Variants in GTPBP8 observed in about 807,000 individuals in gnomAD.
GTPBP8 encodes the protein GTP binding protein 8.
GTPBP8 carries 21 observed loss-of-function variants against 27.3 expected under a neutral mutation model. The ratio of observed to expected loss-of-function variants is 0.77; its 90% CI spans 0.55 to 1.11. The LOEUF (loss-of-function observed/expected upper bound fraction) is 1.11, where lower values mean the gene tolerates loss of function less well. Ranked by LOEUF, GTPBP8 falls within the 50% of genes least tolerant of loss-of-function variation. GTPBP8 has a pLI of 0.00. For synonymous variants in GTPBP8, 147 were observed against 135.3 expected, an observed-to-expected ratio of 1.09 and a Z score of -0.60; for missense variants, 380 against 350.8, an observed-to-expected ratio of 1.08 and a Z score of -0.67.
intron 3 of GTPBP8, among the ~76,000 whole-genome samples, chr3:112,996,647 A>T (rs1171395433): frequency 6.6e-6 from 1 of 152,198 alleles, no homozygotes; most frequent in Non-Finnish European, 1.5e-5. Context: ...TCTTATATCC[A>T]ATATATCCTT....
rs923454933 is a variant in GTPBP8, at chr3:113,001,538, T to C, written c.*619T>C. 6.6e-6 allele frequency: 1 copy of C among 152,234 alleles called. No individual in the cohort carries two copies. The highest frequency in any genetic ancestry group is 2.4e-5 in the African/African-American group (1 of 41,466). 9.4% of individuals were successfully genotyped at this position (152,234 alleles called of 1,614,324 possible). On this transcript the variant is annotated 3_prime_UTR_variant, in exon 6 of 6. Coordinates refer to ENST00000383678, the MANE Select transcript of GTPBP8 (RefSeq NM_014170.4). ...GATTTCTCGGAAATTCATTTGTTAC[T>C]GTAAACGTGAAAGCTATTAAGATTC...
At chr3:112,994,795 A>G (rs1395954222) in intron 2 of GTPBP8, among the ~76,000 whole-genome samples, 1 of 152,236 alleles carries the variant, frequency 6.6e-6, no homozygotes, top group African/African-American at 2.4e-5. Context: ...ATATTGACTG[A>G]TGCAGTCACA....
Position 112,991,076 on chromosome 3 carries a change from A to G in GTPBP8, c.77A>G (p.Tyr26Cys), listed in dbSNP as rs988757577. 4 of 1,613,944 alleles carry G rather than the reference A, an allele frequency of 2.5e-6. No individual in the cohort carries two copies. Among genetic ancestry groups the G allele is most frequent in the Non-Finnish European group, 2.5e-6 (3 of 1,180,018 alleles). ...GCGGTGCTAGAGCGACTGAGCCGCT[A>G]TAATAGCACGTCCCAAGCTTTTGCT... ...MPAVLERLSR[Y>C]NSTSQAFAEV... is the part of the protein sequence containing the mutation. Residue 26 changes from tyrosine (Y) to cysteine (C), a missense_variant, in exon 1 of 6, where the codon TAT becomes TGT. Coordinates refer to ENST00000383678, the MANE Select transcript of GTPBP8 (RefSeq NM_014170.4).
Position 113,000,623 on chromosome 3 carries a change from T to G in GTPBP8, c.786-227T>G, listed in dbSNP as rs57733917. Among the ~76,000 whole-genome samples the G allele has an allele frequency of 3.1e-3, 469 of 152,120 alleles. 1 individual carries two copies. Among genetic ancestry groups the G allele is most frequent in the African/African-American group, 0.011 (459 of 41,474 alleles). On this transcript the variant is annotated intron_variant, in intron 5 of 5. Coordinates refer to ENST00000383678, the MANE Select transcript of GTPBP8 (RefSeq NM_014170.4). ...GGAAAACAAAGCAAAATAGAAGATA[T>G]AGTGAAATTTTTGGAATCATGAAGG... is the stretch of plus-strand genomic sequence containing the variant.
rs376070432 is a variant in GTPBP8, at chr3:113,001,093, G to T, written c.*174G>T. The T allele has an allele frequency of 1.3e-5, 7 of 541,094 alleles. No homozygotes were observed. Among genetic ancestry groups the T allele is most frequent in the African/African-American group, 1.2e-4 (6 of 51,956 alleles). 33.5% of individuals were successfully genotyped at this position (541,094 alleles called of 1,614,324 possible). On this transcript the variant is annotated 3_prime_UTR_variant, in exon 6 of 6. Coordinates refer to ENST00000383678, the MANE Select transcript of GTPBP8 (RefSeq NM_014170.4). Reference sequence around the variant, plus strand: ...CTCGAAACAAGAATTTGTGCCTGAGGTGAAAAAAGTTTGTAAGTTATTGAA... The same window carrying T: ...CTCGAAACAAGAATTTGTGCCTGAGTTGAAAAAAGTTTGTAAGTTATTGAA...
At position 112,991,180 on chromosome 3, in the gene GTPBP8, T is replaced by C. The variant is rs1231835199; in HGVS notation, c.181T>C (p.Tyr61His). The C allele has an allele frequency of 2.5e-6, 4 of 1,614,136 alleles. No individual in the cohort carries two copies. In the South Asian group the frequency reaches 3.3e-5, roughly 13 times the overall value. ...GGAAGTAGAGCGGTTCCTCGCCCCC[T>C]ACGGGAGGCAAGACCTTCACCTGCG... ...LQEVERFLAP[Y>H]GRQDLHLRIF... The change falls in exon 1 of 6, where the codon TAC becomes CAC. Residue 61 changes from tyrosine to histidine, a missense_variant. Transcript: ENST00000383678.
Position 112,996,964 on chromosome 3 carries a change from G to C in GTPBP8, c.639G>C (p.Met213Ile), listed in dbSNP as rs370737917. The change falls in exon 4 of 6, where the codon ATG becomes ATC. Residue 213 changes from methionine to isoleucine, a missense_variant. Coordinates refer to ENST00000383678, the MANE Select transcript of GTPBP8 (RefSeq NM_014170.4). ...AAACAGACAATATTGCCATAGAAAT[G>C]TGTGAAGAATTTGCATTACCTTATG... ...IQKTDNIAIE[M>I]CEEFALPYVI... 6.4e-7 allele frequency: 1 copy of C among 1,558,540 alleles called. No homozygotes were observed. The highest frequency in any genetic ancestry group is 2.2e-5 in the East Asian group (1 of 44,480).
Position 113,001,102 on chromosome 3 carries a change from G to T in GTPBP8, c.*183G>T. On this transcript the variant is annotated 3_prime_UTR_variant, in exon 6 of 6. Transcript: ENST00000383678. ...AGAATTTGTGCCTGAGGTGAAAAAA[G>T]TTTGTAAGTTATTGAATTATGGTGT... 1 of 531,544 alleles carries T rather than the reference G, an allele frequency of 1.9e-6. No individual in the cohort carries two copies. Among genetic ancestry groups the T allele is most frequent in the South Asian group, 2.4e-5 (1 of 41,100 alleles). The allele number at this position is 531,544 out of a possible 1,614,324, so 32.9% of individuals were successfully genotyped here.
chr3:112,991,048 C>A lies in GTPBP8; in HGVS notation c.49C>A (p.Pro17Thr). The A allele has an allele frequency of 6.2e-7, 1 of 1,609,582 alleles. No homozygotes were observed. The highest frequency in any genetic ancestry group is 8.5e-7 in the Non-Finnish European group (1 of 1,176,912). ...GGGAGCGGGAAGACTCTTTGAAATG[C>A]CTGCGGTGCTAGAGCGACTGAGCCG... ...RLGAGRLFEM[P>T]AVLERLSRYN... The change falls in exon 1 of 6, where the codon CCT becomes ACT. Residue 17 changes from proline to threonine, a missense_variant. Physicochemically the swap from Pro to Thr is conservative, Grantham distance 38. Transcript: ENST00000383678.
chr3:112,991,546 C>T, intron 1 of GTPBP8: 1 of 698,760 alleles, frequency 1.4e-6, no homozygotes, highest in Non-Finnish European at 2.6e-6. Context: ...CAGTCAATAC[C>T]CATAAACCCA....
At chr3:112,993,341 G>A (rs1360428782) in intron 2 of GTPBP8, among the ~76,000 whole-genome samples, 2 of 92,688 alleles carry the variant, frequency 2.2e-5, no homozygotes, top group Non-Finnish European at 6.7e-5. Context: ...AATATCTTCA[G>A]AAAGTCTTTC....
intron 2 of GTPBP8, among the ~76,000 whole-genome samples, chr3:112,994,162 C>T (rs1165978035): frequency 6.6e-6 from 1 of 152,198 alleles, no homozygotes; most frequent in Admixed American, 6.5e-5. Flanking sequence ...GTGGCTCATG[C>T]CTGTAATCCC....
At chr3:112,991,788 A>G (rs1933687073) in intron 1 of GTPBP8, 1 of 306,236 alleles carries the variant, frequency 3.3e-6, no homozygotes, top group African/African-American at 2.2e-5. Flanking sequence ...GGAAACGAAT[A>G]ATAGTTTCAC....
intron 3 of GTPBP8, 140 bp downstream of exon 3, chr3:112,995,405 TCTATA>T: frequency 3.6e-6 from 2 of 559,854 alleles, no homozygotes; most frequent in South Asian, 5.9e-5. Context: ...CTCATAATAT[TCTATA>T]ATACAATATT....
In GTPBP8 at chr3:112,991,068, G is replaced by C; in HGVS notation, c.69G>C (p.Leu23=). The change falls in exon 1 of 6, where the codon CTG becomes CTC. Residue 23 remains leucine (L), a synonymous_variant. Coordinates refer to ENST00000383678, the MANE Select transcript of GTPBP8 (RefSeq NM_014170.4). ...LFEMPAVLER[L]SRYNSTSQAF... The stretch of plus-strand genomic sequence containing the variant: ...AAATGCCTGCGGTGCTAGAGCGACT[G>C]AGCCGCTATAATAGCACGTCCCAAG... 1 of 1,613,836 alleles carries C rather than the reference G, an allele frequency of 6.2e-7. No homozygotes were observed.
intron 4 of GTPBP8, among the ~76,000 whole-genome samples, chr3:112,998,039 C>T (rs73857314): frequency 0.015 from 2,302 of 152,188 alleles, 64 homozygotes; most frequent in African/African-American, 0.053. Context: ...CTCCCATTTG[C>T]GGAGGGGTTC....
In GTPBP8 at chr3:112,993,055, A is replaced by G. The variant is rs1225810117; in HGVS notation, c.366A>G (p.Gly122=). 6.2e-7 allele frequency: 1 copy of G among 1,610,364 alleles called. No homozygotes were observed. The highest frequency in any genetic ancestry group is 8.5e-7 in the Non-Finnish European group (1 of 1,177,122). ...GTTTTATAGGCAGAAGCAATGTTGG[A>G]AAATCATCTCTAATCAAGGCTTTAT... ...EVCFIGRSNV[G]KSSLIKALFS... The change falls in exon 2 of 6, where the codon GGA becomes GGG. Residue 122 remains glycine, a synonymous_variant. Transcript: ENST00000383678.
chr3:113,000,733 A>G, intron 5 of GTPBP8, 117 bp from the exon 6 acceptor site: 1 of 624,490 alleles, frequency 1.6e-6, no homozygotes, highest in Non-Finnish European at 2.8e-6. Context: ...GAACACATTA[A>G]AAGATGTTCT....
chr3:112,999,620 G>T (rs1198431651), intron 5 of GTPBP8, 56 bp downstream of exon 5: 2 of 730,568 alleles, frequency 2.7e-6, no homozygotes, highest in Non-Finnish European at 2.3e-6. Context: ...TGAGAATGTT[G>T]TGGGTTTTTT....
Sources: gnomAD v4.1 joint callset for allele counts (sites outside exome capture counted in the v4.1 genomes callset) on GRCh38, gnomAD v4.1.1 for gene constraint, MANE v1.5 for transcripts, NCBI Gene and HGNC (gene_info 2026-07-23, HGNC 2026-07-21) for gene names.